The following DSCAM variants were observed in gnomAD, a reference collection of about 807,000 sequenced individuals.
DSCAM encodes the protein cell adhesion molecule DSCAM.
In DSCAM, 47 loss-of-function variants were observed where a neutral mutation model predicts 217.7. The observed-to-expected ratio is 0.22, with a 90% confidence interval of 0.17 to 0.28. The LOEUF is 0.28. Ranked by LOEUF, DSCAM falls within the 10% of genes least tolerant of loss-of-function variation. The probability of loss-of-function intolerance (pLI) is 1.00; values close to 1 mark genes in which losing one functional copy is unlikely to be tolerated. For synonymous variants in DSCAM, 1,056 were observed against 1,015.3 expected, an observed-to-expected ratio of 1.04 and a Z score of -0.76; for missense variants, 2,080 against 2,618.3, an observed-to-expected ratio of 0.79 and a Z score of 4.49.
intron 3 of DSCAM, among the ~76,000 whole-genome samples, chr21:40,411,173 TATAC>T (rs61636539): frequency 0.092 from 12,342 of 134,670 alleles, 833 homozygotes; most frequent in African/African-American, 0.16. Context: ...ACAGTAATTA[TATAC>T]ACACACACAC....
intron 9 of DSCAM, among the ~76,000 whole-genome samples, chr21:40,305,248 G>A (rs1225592548): frequency 6.6e-6 from 1 of 151,986 alleles, no homozygotes; most frequent in African/African-American, 2.4e-5. Context: ...AAATTAGCTT[G>A]GCATGTTGGC....
chr21:40,060,960 C>T (rs1306363129), intron 28 of DSCAM, among the ~76,000 whole-genome samples: 1 of 152,108 alleles, frequency 6.6e-6, no homozygotes. Context: ...GGGCTGAAGG[C>T]ATCTCATGCA....
chr21:40,116,027 T>A (rs2146649353), intron 20 of DSCAM, among the ~76,000 whole-genome samples: 1 of 152,360 alleles, frequency 6.6e-6, no homozygotes, highest in Non-Finnish European at 1.5e-5. Flanking sequence ...TGGATGCCAT[T>A]ATTCTTAGCA....
intron 20 of DSCAM, among the ~76,000 whole-genome samples, chr21:40,117,981 G>A (rs531775804): frequency 6.6e-6 from 1 of 151,936 alleles, no homozygotes; most frequent in Admixed American, 6.6e-5. Flanking sequence ...ATACACACAC[G>A]TGCACAAATG....
chr21:40,602,389 A>C, intron 3 of DSCAM, among the ~76,000 whole-genome samples: 1 of 152,174 alleles, frequency 6.6e-6, no homozygotes, highest in Non-Finnish European at 1.5e-5. Context: ...GAGATTGCAA[A>C]GAATTGGTAT....
chr21:40,748,134 CT>C (rs984336511), intron 1 of DSCAM, among the ~76,000 whole-genome samples: 1 of 151,962 alleles, frequency 6.6e-6, no homozygotes, highest in African/African-American at 2.4e-5. Flanking sequence ...CAGTTGAAAA[CT>C]TCATTTCTAA....
At chr21:40,386,393 GTGAATGAA>G (rs2075085132) in intron 3 of DSCAM, among the ~76,000 whole-genome samples, 1 of 152,236 alleles carries the variant, frequency 6.6e-6, no homozygotes, top group Non-Finnish European at 1.5e-5. Context: ...CTTTGTGAAT[GTGAATGAA>G]CGCCCTTTGC....
At chr21:40,493,370 C>T (rs1396635750) in intron 3 of DSCAM, among the ~76,000 whole-genome samples, 2 of 151,886 alleles carry the variant, frequency 1.3e-5, no homozygotes, top group African/African-American at 2.4e-5. Context: ...ATAAACAACA[C>T]GAAAATATAT....
At chr21:40,373,847 C>T (rs958821682) in intron 3 of DSCAM, among the ~76,000 whole-genome samples, 6 of 152,152 alleles carry the variant, frequency 3.9e-5, no homozygotes, top group Non-Finnish European at 7.3e-5. Flanking sequence ...AGCTGTGTGG[C>T]CTCAGTCTAG....
chr21:40,415,747 G>A (rs551318651), intron 3 of DSCAM, among the ~76,000 whole-genome samples: 105 of 152,192 alleles, frequency 6.9e-4, no homozygotes, highest in South Asian at 2.1e-3. Flanking sequence ...CCAGGGGGCC[G>A]GTGGGACCCT....
intron 11 of DSCAM, among the ~76,000 whole-genome samples, chr21:40,211,411 T>C (rs753673319): frequency 2.0e-5 from 3 of 152,234 alleles, no homozygotes; most frequent in Non-Finnish European, 2.9e-5. Flanking sequence ...AAGAGAACAA[T>C]TGCTGGACCA....
At chr21:40,816,199 T>C (rs1034093546) in intron 1 of DSCAM, among the ~76,000 whole-genome samples, 7 of 152,060 alleles carry the variant, frequency 4.6e-5, no homozygotes, top group Non-Finnish European at 1.0e-4. Context: ...CGAGAAGAAG[T>C]GTGATTTGAA....
At chr21:40,392,611 G>C (rs1375290315) in intron 3 of DSCAM, among the ~76,000 whole-genome samples, 1 of 152,168 alleles carries the variant, frequency 6.6e-6, no homozygotes, top group Non-Finnish European at 1.5e-5. Context: ...TTCCAGGATG[G>C]GGAATGTGTT....
At chr21:40,020,314 A>G (rs912089568) in intron 32 of DSCAM, among the ~76,000 whole-genome samples, 10 of 152,130 alleles carry the variant, frequency 6.6e-5, no homozygotes, top group Non-Finnish European at 1.0e-4. Flanking sequence ...TTCTTTATAA[A>G]TTACCCAGTC....
At chr21:40,458,729 C>T (rs575328889) in intron 3 of DSCAM, among the ~76,000 whole-genome samples, 2 of 152,034 alleles carry the variant, frequency 1.3e-5, no homozygotes, top group East Asian at 3.9e-4. Flanking sequence ...TGTACTTTAC[C>T]TAATTCTGTA....
chr21:40,022,644 A>T (rs1321574814), intron 32 of DSCAM, among the ~76,000 whole-genome samples: 3 of 152,214 alleles, frequency 2.0e-5, no homozygotes, highest in Non-Finnish European at 4.4e-5. Context: ...TCCAGTGGAA[A>T]GAGCAGTAGT....
intron 4 of DSCAM, among the ~76,000 whole-genome samples, chr21:40,354,848 C>CAAAAAAAA (rs11314417): frequency 1.8e-5 from 2 of 112,388 alleles, no homozygotes; most frequent in African/African-American, 8.0e-5. Context: ...AACTCTGTCT[C>CAAAAAAAA]AAAAAAAAAA....
chr21:40,122,329 G>A (rs546166529), intron 20 of DSCAM, among the ~76,000 whole-genome samples: 1 of 152,218 alleles, frequency 6.6e-6, no homozygotes, highest in South Asian at 2.1e-4. Flanking sequence ...AAGACAAAAC[G>A]AGAGGAAGCT....
chr21:40,204,691 G>A lies in DSCAM; in HGVS notation c.2357-15453C>T, dbSNP rs749977320. Among the ~76,000 whole-genome samples, 6 of 152,126 alleles carry A rather than the reference G, an allele frequency of 3.9e-5. No homozygotes were observed. The South Asian group carries it at 6.2e-4, about 16-fold the overall frequency. On this transcript the variant is annotated intron_variant, in intron 11 of 32. Transcript: ENST00000400454. ...CCAGCCTGTGGAAGCCAGAACCAGC[G>A]CCTTTACTTTCATAATTCAAAGTGG...
Sources: allele counts gnomAD v4.1 joint callset (sites outside exome capture counted in the v4.1 genomes callset), GRCh38; gene constraint gnomAD v4.1.1; transcripts MANE v1.5; gene names NCBI Gene and HGNC (gene_info 2026-07-23, HGNC 2026-07-21).